Variants in TBCK observed in about 807,000 individuals in gnomAD.
TBCK encodes TBC1 domain containing kinase.
In TBCK, 99 loss-of-function variants were observed where a neutral mutation model predicts 113.4. The ratio of observed to expected loss-of-function variants is 0.87; its 90% confidence interval spans 0.74 to 1.03. TBCK has a LOEUF of 1.03. Ranked by LOEUF, TBCK falls within the 50% of genes least tolerant of loss-of-function variation. TBCK has a pLI of 0.00. For missense variants in TBCK, 1,045 were observed against 1,061.3 expected (o/e 0.98, Z 0.21); for synonymous variants, 369 against 370.8 (o/e 1.00, Z 0.05).
At chr4:106,197,386 AGT>A (rs70941239) in intron 20 of TBCK, among the ~76,000 whole-genome samples, 3,353 of 118,872 alleles carry the variant, frequency 0.028, 89 homozygotes, top group African/African-American at 0.075. Flanking sequence ...AACATATCTG[AGT>A]GTGTGTGTGT....
chr4:106,302,858 TA>T (rs1767094477), intron 2 of TBCK, among the ~76,000 whole-genome samples: 1 of 152,198 alleles, frequency 6.6e-6, no homozygotes, highest in African/African-American at 2.4e-5. Flanking sequence ...ATGATCCCCG[TA>T]ATTTTTCAAC....
chr4:106,242,189 AT>A (rs923919045), intron 12 of TBCK, among the ~76,000 whole-genome samples: 2 of 152,072 alleles, frequency 1.3e-5, no homozygotes, highest in Admixed American at 1.3e-4. Flanking sequence ...TAGATTAACA[AT>A]TTTTTAAAAT....
At chr4:106,193,482 A>C (rs1168105654) in intron 22 of TBCK, 127 bp downstream of exon 22, 2 of 870,804 alleles carry the variant, frequency 2.3e-6, no homozygotes, top group East Asian at 5.2e-5. Flanking sequence ...GAATCCAGAG[A>C]GGATGATGAG....
intron 2 of TBCK, among the ~76,000 whole-genome samples, chr4:106,300,921 T>C (rs1432768855): frequency 6.6e-6 from 1 of 152,076 alleles, no homozygotes; most frequent in Non-Finnish European, 1.5e-5. Flanking sequence ...GGCAATATAG[T>C]GAGACTCCTG....
intron 5 of TBCK, among the ~76,000 whole-genome samples, chr4:106,257,338 A>G (rs1762099833): frequency 6.6e-6 from 1 of 152,194 alleles, no homozygotes; most frequent in Non-Finnish European, 1.5e-5. Context: ...GATAAGTATA[A>G]TCAAAATGTA....
chr4:106,279,416 T>A (rs1476573401), intron 3 of TBCK, among the ~76,000 whole-genome samples: 2 of 152,204 alleles, frequency 1.3e-5, no homozygotes, highest in African/African-American at 4.8e-5. Context: ...ATAAATGGGT[T>A]ATCCATTACC....
chr4:106,105,176 G>C (rs1741997000), intron 24 of TBCK, among the ~76,000 whole-genome samples: 1 of 152,184 alleles, frequency 6.6e-6, no homozygotes, highest in Non-Finnish European at 1.5e-5. Context: ...TTGAACCAAG[G>C]AGAGGAGGCC....
At chr4:106,122,346 A>C (rs1313141023) in intron 23 of TBCK, among the ~76,000 whole-genome samples, 61 of 151,958 alleles carry the variant, frequency 4.0e-4, no homozygotes, top group Middle Eastern at 3.4e-3. Flanking sequence ...ATCTCTGAAT[A>C]GACCAATAAC....
chr4:106,273,270 T>A (rs1398777261), intron 3 of TBCK, among the ~76,000 whole-genome samples: 1 of 152,202 alleles, frequency 6.6e-6, no homozygotes, highest in Non-Finnish European at 1.5e-5. Context: ...ACATAATAAA[T>A]TTTTATACAA....
chr4:106,169,665 G>C (rs1265379239), intron 23 of TBCK, among the ~76,000 whole-genome samples: 1 of 151,550 alleles, frequency 6.6e-6, no homozygotes, highest in African/African-American at 2.4e-5. Context: ...GATGGTTTTG[G>C]GATAATTCAA....
At chr4:106,312,887 TTAA>T (rs1377742377) in intron 1 of TBCK, among the ~76,000 whole-genome samples, 2 of 152,138 alleles carry the variant, frequency 1.3e-5, no homozygotes, top group Non-Finnish European at 2.9e-5. Flanking sequence ...AACTATAGTA[TTAA>T]TAAAAAAATC....
chr4:106,294,215 G>T (rs971250123), intron 3 of TBCK, among the ~76,000 whole-genome samples: 1 of 151,524 alleles, frequency 6.6e-6, no homozygotes, highest in African/African-American at 2.4e-5. Flanking sequence ...TTTTGAGATG[G>T]AGTCGCGCTC....
chr4:106,074,564 G>T (rs1337681829), intron 25 of TBCK, among the ~76,000 whole-genome samples: 2 of 152,080 alleles, frequency 1.3e-5, no homozygotes, highest in Non-Finnish European at 2.9e-5. Flanking sequence ...AACACAGCTG[G>T]TAAGAAATAG....
chr4:106,263,002 T>C (rs1762641357), intron 3 of TBCK, among the ~76,000 whole-genome samples: 1 of 151,960 alleles, frequency 6.6e-6, no homozygotes, highest in African/African-American at 2.4e-5. Flanking sequence ...CATTAAAATA[T>C]TTTCTTGTCA....
Position 106,262,195 on chromosome 4 carries a change from C to A in TBCK, c.284G>T (p.Cys95Phe). Reference sequence around the variant, plus strand: ...GCCCTGAAGAACCTCAAATGCTATACACAAAACCGTTGAACAGCTACAAAG... The same window carrying A: ...GCCCTGAAGAACCTCAAATGCTATAAACAAAACCGTTGAACAGCTACAAAG... ...RKPVSCSTVL[C>F]IAFEVLQGLQ... Residue 95 changes from cysteine to phenylalanine, a missense_variant, in exon 4 of 26, where the codon TGT becomes TTT. Cys to Phe is a radical substitution (Grantham distance 205, BLOSUM62 -2). Transcript: ENST00000394708. 6.5e-7 allele frequency: 1 copy of A among 1,545,158 alleles called. No individual in the cohort carries two copies. The highest frequency in any genetic ancestry group is 8.8e-7 in the Non-Finnish European group (1 of 1,142,750).
chr4:106,168,500 CACAA>C (rs1022541076), intron 23 of TBCK, among the ~76,000 whole-genome samples: 7 of 151,778 alleles, frequency 4.6e-5, no homozygotes, highest in African/African-American at 1.2e-4. Flanking sequence ...AATGCAATAA[CACAA>C]ACAAAGAAAA....
At chr4:106,214,883 T>C (rs1365835806) in intron 19 of TBCK, among the ~76,000 whole-genome samples, 10 of 151,970 alleles carry the variant, frequency 6.6e-5, no homozygotes, top group African/African-American at 9.7e-5. Context: ...AGATACTCCT[T>C]GAGAAGAGCA....
chr4:106,071,362 A>G (rs1420037284), intron 25 of TBCK, among the ~76,000 whole-genome samples: 1 of 152,178 alleles, frequency 6.6e-6, no homozygotes, highest in Non-Finnish European at 1.5e-5. Context: ...TTTACCCAGT[A>G]GTCATTCAGG....
chr4:106,304,994 A>T (rs1321839128), intron 2 of TBCK, among the ~76,000 whole-genome samples: 2 of 152,146 alleles, frequency 1.3e-5, no homozygotes, highest in Non-Finnish European at 2.9e-5. Flanking sequence ...ATAAGCCTCA[A>T]TTCTAACTAC....
Sources: allele counts gnomAD v4.1 joint callset (sites outside exome capture counted in the v4.1 genomes callset), GRCh38; gene constraint gnomAD v4.1.1; transcripts MANE v1.5; gene names NCBI Gene and HGNC (gene_info 2026-07-23, HGNC 2026-07-21).